SLFN14: variants seen among roughly 807,000 people sequenced by gnomAD.
SLFN14 encodes schlafen family member 14.
SLFN14 carries 47 observed loss-of-function variants against 58.6 expected under a neutral mutation model. The observed-to-expected ratio is 0.80, with a 90% CI of 0.64 to 1.02. The LOEUF is 1.02. Ranked by LOEUF, SLFN14 falls within the 50% of genes least tolerant of loss-of-function variation. The pLI, the probability that SLFN14 is intolerant of heterozygous loss-of-function variation, is 0.00. For missense variants in SLFN14, 967 were observed against 1,078.4 expected (o/e 0.90, Z 1.45); for synonymous variants, 390 against 387.3 (o/e 1.01, Z -0.08).
In SLFN14 at chr17:35,548,673, C is replaced by A. The variant is rs901350764; in HGVS notation, c.2305G>T (p.Ala769Ser). The A allele has an allele frequency of 6.4e-7, 1 of 1,551,760 alleles. No homozygotes were observed. Among genetic ancestry groups the A allele is most frequent in the Non-Finnish European group, 8.7e-7 (1 of 1,146,998 alleles). Residue 769 changes from alanine to serine, a missense_variant, in exon 6 of 6, where the codon GCC becomes TCC. Transcript: ENST00000674182. Reference sequence around the variant, plus strand: ...TGGGCACACGTTGCTTCCTCATAGGCAGTCTCGCTGAACAATGCTAATGTG... The same window carrying A: ...TGGGCACACGTTGCTTCCTCATAGGAAGTCTCGCTGAACAATGCTAATGTG... Reference protein sequence around the residue: ...PDTLALFSETAYEEATCAQAL... With the variant: ...PDTLALFSETSYEEATCAQAL...
rs1555547587 is a variant in SLFN14 at position 35,552,663 on chromosome 17, C to CACATATATATATACACAT, written c.1904+66_1904+67insATGTGTATATATATATGT. On this transcript the variant is annotated intron_variant, in intron 5 of 5. Coordinates refer to ENST00000674182, the MANE Select transcript of SLFN14 (RefSeq NM_001129820.2). ...ATATATATATACACATATATATACA[C>CACATATATATATACACAT]ATATATATACACATATATATATACA... 403 of 572,478 alleles carry CACATATATATATACACAT rather than the reference C, an allele frequency of 7.0e-4. 29 individuals are homozygous for CACATATATATATACACAT. The East Asian group carries it at 0.012, about 18-fold the overall frequency. 35.5% of individuals were successfully genotyped at this position (572,478 alleles called of 1,614,324 possible). A position where few individuals can be genotyped will look rare whatever the true frequency, so the allele number is the denominator to read the frequency against.
intron 4 of SLFN14, 66 bp downstream of exon 4, chr17:35,554,510 A>G (rs1160181919): frequency 2.1e-6 from 3 of 1,418,770 alleles, no homozygotes; most frequent in East Asian, 5.6e-5. Context: ...ACTCATTACT[A>G]CTAACACCTC....
At chr17:35,558,913 T>C (rs2072677858) in intron 2 of SLFN14, among the ~76,000 whole-genome samples, 1 of 152,296 alleles carries the variant, frequency 6.6e-6, no homozygotes. Context: ...AAGATCTTGC[T>C]ATAAACACAA....
chr17:35,549,614 G>T (rs546061044), intron 5 of SLFN14, among the ~76,000 whole-genome samples: 1 of 152,152 alleles, frequency 6.6e-6, no homozygotes, highest in African/African-American at 2.4e-5. Flanking sequence ...CCAAATCTAT[G>T]GGGCTATGCC....
rs965352517 is a variant in SLFN14, at chr17:35,553,227, G to T, written c.1407C>A (p.Leu469=). 1.3e-6 allele frequency: 2 copies of T among 1,551,676 alleles called. No homozygotes were observed. The highest frequency in any genetic ancestry group is 4.9e-5 in the East Asian group (2 of 40,926). The part of the protein sequence containing the change: ...LLIAVNSPVV[L]YTILIDPNWP... ...AATTGGGGTCTATTAAGATTGTATA[G>T]AGTACCACGGGGCTGTTAACTGCTA... The change falls in exon 5 of 6, where the codon CTC becomes CTA. Residue 469 remains leucine (L), a synonymous_variant. Coordinates refer to ENST00000674182, the MANE Select transcript of SLFN14 (RefSeq NM_001129820.2).
At position 35,547,564 on chromosome 17, in the gene SLFN14, ATG is replaced by A. The variant is rs1232983075; in HGVS notation, c.*673_*674del. ...TATAAATTAACAGAGTAACATTTTG[ATG>A]TATGCATTGGTCCTTTGTGAGCTTG... On this transcript the variant is annotated 3_prime_UTR_variant, in exon 6 of 6. Transcript: ENST00000674182. Among the ~76,000 whole-genome samples, 1 of 152,198 alleles carries A rather than the reference ATG, an allele frequency of 6.6e-6. No homozygotes were observed. Among genetic ancestry groups the A allele is most frequent in the African/African-American group, 2.4e-5 (1 of 41,438 alleles).
chr17:35,559,281 A>G (rs2072680956), intron 2 of SLFN14, among the ~76,000 whole-genome samples: 1 of 152,194 alleles, frequency 6.6e-6, no homozygotes, highest in Non-Finnish European at 1.5e-5. Flanking sequence ...GTATTATTTC[A>G]TACACTTTGA....
intron 3 of SLFN14, among the ~76,000 whole-genome samples, chr17:35,555,328 C>T (rs1375733513): frequency 2.0e-5 from 3 of 150,880 alleles, no homozygotes; most frequent in Non-Finnish European, 2.9e-5. Flanking sequence ...GCCGAGATAG[C>T]GCCACTGCAC....
Position 35,553,003 on chromosome 17 carries a change from A to G in SLFN14, c.1631T>C (p.Leu544Ser), listed in dbSNP as rs1358072848. The change falls in exon 5 of 6, where the codon TTG becomes TCG. Residue 544 changes from leucine to serine, a missense_variant. Coordinates refer to ENST00000674182, the MANE Select transcript of SLFN14 (RefSeq NM_001129820.2). ...GGAGACCACCACCAGAGCCTGCAGC[A>G]AGTCTTCCATTTCCTCCTCATCAGC... ...RLADEEEMED[L>S]LQALVVVSLS... The G allele has an allele frequency of 1.7e-5, 26 of 1,551,524 alleles. No individual in the cohort carries two copies. Among genetic ancestry groups the G allele is most frequent in the Non-Finnish European group, 2.2e-5 (25 of 1,146,998 alleles).
intron 4 of SLFN14, among the ~76,000 whole-genome samples, 168 bp downstream of exon 4, chr17:35,554,408 A>G (rs935578846): frequency 3.4e-5 from 5 of 147,164 alleles, no homozygotes; most frequent in Middle Eastern, 3.6e-3. Context: ...TCAGTCATAT[A>G]TATATTATAT....
chr17:35,549,751 C>T (rs2072567577), intron 5 of SLFN14, among the ~76,000 whole-genome samples: 1 of 152,190 alleles, frequency 6.6e-6, no homozygotes, highest in Non-Finnish European at 1.5e-5. Flanking sequence ...TAACATCACT[C>T]ATCCCTACAG....
chr17:35,548,283 T>C lies in SLFN14; in HGVS notation c.2695A>G (p.Ile899Val), dbSNP rs777192968. Reference sequence around the variant, plus strand: ...TCATAAAGCAGGTAGAGGTGTTTAATGGCTCTTGAAGCAAAGCAGAGCTTA... The same window carrying C: ...TCATAAAGCAGGTAGAGGTGTTTAACGGCTCTTGAAGCAAAGCAGAGCTTA... ...FHKLCFASRA[I>V]KHLYLLYEKR... The change falls in exon 6 of 6, where the codon ATT (isoleucine) becomes GTT (valine). Residue 899 changes from isoleucine to valine, a missense_variant. Transcript: ENST00000674182. 2 of 1,551,732 alleles carry C rather than the reference T, an allele frequency of 1.3e-6. No homozygotes were observed. Among genetic ancestry groups the C allele is most frequent in the Non-Finnish European group, 1.7e-6 (2 of 1,146,982 alleles).
At chr17:35,549,369 C>T (rs1483782591) in intron 5 of SLFN14, among the ~76,000 whole-genome samples, 1 of 152,192 alleles carries the variant, frequency 6.6e-6, no homozygotes, top group Non-Finnish European at 1.5e-5. Flanking sequence ...GTTTGGCAAT[C>T]CTGAAGACAA....
In SLFN14 at chr17:35,557,540, T is replaced by A. The variant is rs1245306962; in HGVS notation, c.523A>T (p.Arg175Ter). The A allele has an allele frequency of 1.3e-6, 2 of 1,551,582 alleles. No individual in the cohort carries two copies. The highest frequency in any genetic ancestry group is 1.7e-6 in the Non-Finnish European group (2 of 1,147,010). Residue 175 changes from arginine (R) to a stop codon, truncating the protein, a stop_gained, in exon 3 of 6, where the codon AGA becomes TGA. Transcript: ENST00000674182. LOFTEE classifies it high-confidence loss of function. ...ATATCTTCCTCTTCCTGAATGCATC[T>A]ATTGAGAACCTGCTGAGGATGCAAC... Reference protein sequence around the residue: ...KKLHPQQVLNRCIQEEEDMRI... With the variant: ...KKLHPQQVLN
At position 35,549,012 on chromosome 17, in the gene SLFN14, TC is replaced by T. The variant is rs1340615928; in HGVS notation, c.1965del (p.Ile656LeufsTer4). On this transcript the variant is annotated frameshift_variant, in exon 6 of 6. Transcript: ENST00000674182. LOFTEE classifies it low-confidence loss of function (END_TRUNC). ...GTCTCATCCATCACTATGTGTTTAATCTTTAGAAACTCCCCTTGCATGAAAG... is the reference window on the plus strand; with the variant it reads ...GTCTCATCCATCACTATGTGTTTAATTTTAGAAACTCCCCTTGCATGAAAG... The part of the protein sequence containing the change: ...RKTFMQGEFL[K>X]IKHIVMDETE... 4.5e-6 allele frequency: 7 copies of T among 1,551,690 alleles called. No individual in the cohort carries two copies. The highest frequency in any genetic ancestry group is 6.1e-6 in the Non-Finnish European group (7 of 1,146,984).
rs78364481 is a variant in SLFN14 at position 35,548,669 on chromosome 17, T to A, written c.2309A>T (p.Tyr770Phe). Residue 770 changes from tyrosine to phenylalanine, a missense_variant, in exon 6 of 6, where the codon TAT becomes TTT. Coordinates refer to ENST00000674182, the MANE Select transcript of SLFN14 (RefSeq NM_001129820.2). ...AGCCTGGGCACACGTTGCTTCCTCA[T>A]AGGCAGTCTCGCTGAACAATGCTAA... is the stretch of plus-strand genomic sequence containing the variant. ...DTLALFSETA[Y>F]EEATCAQALP... 32,202 of 1,551,768 alleles carry A rather than the reference T, an allele frequency of 0.021. 374 individuals are homozygous for A. The highest frequency in any genetic ancestry group is 0.024 in the Non-Finnish European group (27,143 of 1,147,002).
intron 1 of SLFN14, among the ~76,000 whole-genome samples, 181 bp from the exon 2 acceptor site, chr17:35,559,986 T>C (rs775336954): frequency 3.9e-5 from 6 of 152,234 alleles, no homozygotes; most frequent in South Asian, 2.1e-4. Context: ...CAACAATCTA[T>C]AGGATTCTAA....
At position 35,552,724 on chromosome 17, in the gene SLFN14, T is replaced by C; in HGVS notation, c.1904+6A>G. ...TTTGTGTGTGTGTAGTTGGTAAAAC[T>C]CTTACGTCACAAAATCCTTTAGGGA... On this transcript the variant is annotated splice_donor_region_variant and intron_variant, in intron 5 of 5. Transcript: ENST00000674182. 6.5e-7 allele frequency: 1 copy of C among 1,537,900 alleles called. No homozygotes were observed. Among genetic ancestry groups the C allele is most frequent in the Non-Finnish European group, 8.8e-7 (1 of 1,142,490 alleles).
rs2072521912 is a variant in SLFN14 at position 35,544,628 on chromosome 17, A to G, written c.*3611T>C. On this transcript the variant is annotated 3_prime_UTR_variant, in exon 6 of 6. Transcript: ENST00000674182. ...ACTGCAACCTCCACCTCCCAGGTTCAAGCAATTCTCCTGCCTCAGCCTCCC... is the reference window on the plus strand; with the variant it reads ...ACTGCAACCTCCACCTCCCAGGTTCGAGCAATTCTCCTGCCTCAGCCTCCC... Among the ~76,000 whole-genome samples, 1 of 151,342 alleles carries G rather than the reference A, an allele frequency of 6.6e-6. No individual in the cohort carries two copies. The highest frequency in any genetic ancestry group is 2.4e-5 in the African/African-American group (1 of 41,016).
Sources: gnomAD v4.1 joint callset for allele counts (sites outside exome capture counted in the v4.1 genomes callset) on GRCh38, gnomAD v4.1.1 for gene constraint, MANE v1.5 for transcripts, NCBI Gene and HGNC (gene_info 2026-07-23, HGNC 2026-07-21) for gene names.